ZNF578: variants seen among roughly 807,000 people sequenced by gnomAD.
ZNF578 encodes the protein zinc finger protein 578.
ZNF578 carries 8 observed loss-of-function variants against 8.3 expected under a neutral mutation model. The ratio of observed to expected loss-of-function variants is 0.96; its 90% CI spans 0.56 to 1.74. ZNF578 has a LOEUF of 1.74. Among genes scored for constraint, ZNF578 ranks in the 40% most tolerant of loss-of-function variants. ZNF578 has a pLI of 0.00. For synonymous variants in ZNF578, 206 were observed against 232.2 expected, an observed-to-expected ratio of 0.89 and a Z score of 1.03; for missense variants, 726 against 707.5, an observed-to-expected ratio of 1.03 and a Z score of -0.30.
chr19:52,491,244 T>C, intron 2 of ZNF578, 80 bp from the exon 3 acceptor site: 1 of 165,214 alleles, frequency 6.1e-6, no homozygotes, highest in Non-Finnish European at 1.4e-5. Context: ...AAGTATTTTT[T>C]TGTGTGTCAT....
intron 4 of ZNF578, among the ~76,000 whole-genome samples, chr19:52,503,960 G>A (rs891137365): frequency 7.2e-5 from 11 of 151,774 alleles, no homozygotes; most frequent in African/African-American, 2.7e-4. Context: ...ACGACACCCA[G>A]CTAATTTTTG....
intron 2 of ZNF578, among the ~76,000 whole-genome samples, chr19:52,461,923 A>C (rs1250133274): frequency 1.3e-5 from 2 of 152,218 alleles, no homozygotes; most frequent in Non-Finnish European, 2.9e-5. Context: ...AATTATGGGA[A>C]AATGAGCACA....
intron 2 of ZNF578, among the ~76,000 whole-genome samples, chr19:52,460,298 A>T (rs1424667390): frequency 7.7e-6 from 1 of 130,578 alleles, no homozygotes; most frequent in Non-Finnish European, 1.6e-5. Context: ...CCAGTTTCTC[A>T]GCATCCTCTC....
Position 52,504,666 on chromosome 19 carries a change from T to C in ZNF578, c.75T>C (p.Thr25=), listed in dbSNP as rs1266348067. 6.2e-7 allele frequency: 1 copy of C among 1,614,088 alleles called. No individual in the cohort carries two copies. Residue 25 remains threonine, a synonymous_variant, in exon 5 of 6, where the codon ACT becomes ACC. Coordinates refer to ENST00000421239, the MANE Select transcript of ZNF578 (RefSeq NM_001099694.2). ...PGMALPQGRL[T]FRDVAIEFSL... ...GTGTTTCATTTTAGGGACGCTTGAC[T>C]TTCAGGGATGTGGCTATAGAATTCT...
intron 2 of ZNF578, among the ~76,000 whole-genome samples, chr19:52,459,776 T>TTTTTTC (rs2059252008): frequency 1.5e-5 from 1 of 66,162 alleles, no homozygotes; most frequent in African/African-American, 5.9e-5. Flanking sequence ...TATATTTTTT[T>TTTTTTC]TTTTTTTTTT....
At position 52,496,970 on chromosome 19, in the gene ZNF578, T is replaced by C. The variant is rs1009359223; in HGVS notation, c.-19-4857T>C. On this transcript the variant is annotated intron_variant, in intron 3 of 5. Coordinates refer to ENST00000421239, the MANE Select transcript of ZNF578 (RefSeq NM_001099694.2). ...TTATTTTTTTGAGACACTCTTGCTG[T>C]TGTCCAGGCTGGAGTGCAGTGGCAG... 3.9e-5 allele frequency among the ~76,000 whole-genome samples: 6 copies of C among 152,034 alleles called. No homozygotes were observed. The East Asian group carries it at 9.7e-4, about 25-fold the overall frequency.
chr19:52,509,140 G>T (rs1568467281), intron 5 of ZNF578, among the ~76,000 whole-genome samples: 1 of 151,888 alleles, frequency 6.6e-6, no homozygotes, highest in South Asian at 2.1e-4. Flanking sequence ...CTGACCTCGT[G>T]CTCCACTTGC....
rs566007027 is a variant in ZNF578 at position 52,497,095 on chromosome 19, G to T, written c.-19-4732G>T. 2.1e-3 allele frequency among the ~76,000 whole-genome samples: 314 copies of T among 151,250 alleles called. 1 individual carries two copies. The highest frequency in any genetic ancestry group is 6.9e-3 in the Middle Eastern group (2 of 288). The stretch of plus-strand genomic sequence containing the variant: ...CCACAGGCACGCCCCACGAGGCCTG[G>T]CTATTGTTTAGATATATATATTTAT... On this transcript the variant is annotated intron_variant, in intron 3 of 5. Coordinates refer to ENST00000421239, the MANE Select transcript of ZNF578 (RefSeq NM_001099694.2).
At position 52,513,337 on chromosome 19, in the gene ZNF578, C is replaced by CTTTTTTTT. The variant is rs11318311; in HGVS notation, c.*1200_*1207dup. ...GCGCCTGGCATTGTTTCTTCTTTTC[C>CTTTTTTTT]TTTTTTTTTTTTTTTTTTTTTTTTG... On this transcript the variant is annotated 3_prime_UTR_variant, in exon 6 of 6. Coordinates refer to ENST00000421239, the MANE Select transcript of ZNF578 (RefSeq NM_001099694.2). Among the ~76,000 whole-genome samples the CTTTTTTTT allele has an allele frequency of 3.0e-5, 3 of 101,362 alleles. No homozygotes were observed. Among genetic ancestry groups the CTTTTTTTT allele is most frequent in the East Asian group, 3.5e-4 (1 of 2,828 alleles). 66.5% of individuals were successfully genotyped at this position (101,362 alleles called of 152,430 possible).
At position 52,456,929 on chromosome 19, in the gene ZNF578, G is replaced by A. The variant is rs1271810934; in HGVS notation, c.-151G>A. On this transcript the variant is annotated 5_prime_UTR_variant, in exon 2 of 6. Transcript: ENST00000421239. ...AAGAAGCCTAGAAGAGGAGGAAGAGGAAAGAAAAGGAGTCAGGAATGCCTC... is the reference window on the plus strand; with the variant it reads ...AAGAAGCCTAGAAGAGGAGGAAGAGAAAAGAAAAGGAGTCAGGAATGCCTC... 1 of 153,342 alleles carries A rather than the reference G, an allele frequency of 6.5e-6. No homozygotes were observed. Among genetic ancestry groups the A allele is most frequent in the Non-Finnish European group, 1.5e-5 (1 of 68,416 alleles). The allele number at this position is 153,342 out of a possible 1,614,324, so 9.5% of individuals were successfully genotyped here.
intron 1 of ZNF578, chr19:52,455,021 C>T (rs986471886): frequency 1.3e-5 from 2 of 152,186 alleles, no homozygotes; most frequent in Admixed American, 6.5e-5. Context: ...TCAGTATTGA[C>T]TGGGAAGGAT....
chr19:52,460,496 G>A (rs2059254600), intron 2 of ZNF578, among the ~76,000 whole-genome samples: 2 of 152,034 alleles, frequency 1.3e-5, no homozygotes, highest in African/African-American at 4.8e-5. Context: ...CATTAATTGG[G>A]TTATTTATTT....
chr19:52,511,328 A>G lies in ZNF578; in HGVS notation c.947A>G (p.Lys316Arg). 1 of 1,614,146 alleles carries G rather than the reference A, an allele frequency of 6.2e-7. No homozygotes were observed. Among genetic ancestry groups the G allele is most frequent in the Non-Finnish European group, 8.5e-7 (1 of 1,179,984 alleles). ...TGTCACACTGGTGAGAAACCTTACA[A>G]GTGTAATGAATGTGGAAAGTCCTTC... The part of the protein sequence containing the change: ...RRCHTGEKPY[K>R]CNECGKSFSY... Residue 316 changes from lysine (K) to arginine (R), a missense_variant, in exon 6 of 6, where the codon AAG becomes AGG. Coordinates refer to ENST00000421239, the MANE Select transcript of ZNF578 (RefSeq NM_001099694.2).
intron 4 of ZNF578, 41 bp from the exon 5 acceptor site, chr19:52,504,614 A>T (rs1412248588): frequency 1.2e-6 from 2 of 1,613,148 alleles, no homozygotes; most frequent in Non-Finnish European, 8.5e-7. Flanking sequence ...TGATAACTCA[A>T]TCCTCCATAA....
intron 5 of ZNF578, 140 bp from the exon 6 acceptor site, chr19:52,510,432 C>T: frequency 8.6e-7 from 1 of 1,169,502 alleles, no homozygotes; most frequent in South Asian, 2.8e-5. Flanking sequence ...AAGAATCTTA[C>T]TACTTTTGTG....
At chr19:52,462,405 G>A (rs909811567) in intron 2 of ZNF578, among the ~76,000 whole-genome samples, 1 of 152,142 alleles carries the variant, frequency 6.6e-6, no homozygotes. Context: ...ATGAGTATCT[G>A]TAGGCTCAGG....
Position 52,511,438 on chromosome 19 carries a change from A to G in ZNF578, c.1057A>G (p.Ser353Gly). 6.2e-7 allele frequency: 1 copy of G among 1,614,196 alleles called. No homozygotes were observed. Among genetic ancestry groups the G allele is most frequent in the Middle Eastern group, 1.6e-4 (1 of 6,062 alleles). ...YKCNECGKSF[S>G]YKSSLRCHRR... ...GTGTAATGAATGTGGAAAGTCCTTC[A>G]GTTACAAGTCATCCCTTAGATGCCA... is the stretch of plus-strand genomic sequence containing the variant. Residue 353 changes from serine to glycine, a missense_variant, in exon 6 of 6, where the codon AGT becomes GGT. By Grantham distance (56) the Ser-to-Gly change is moderately conservative (BLOSUM62 0). Coordinates refer to ENST00000421239, the MANE Select transcript of ZNF578 (RefSeq NM_001099694.2).
chr19:52,505,515 G>A (rs917751382), intron 5 of ZNF578, among the ~76,000 whole-genome samples: 8 of 151,948 alleles, frequency 5.3e-5, no homozygotes, highest in South Asian at 2.1e-4. Flanking sequence ...TCCGCCTCCC[G>A]GGTTCAAGCC....
chr19:52,493,732 T>G (rs1348059471), intron 3 of ZNF578, among the ~76,000 whole-genome samples: 1 of 152,088 alleles, frequency 6.6e-6, no homozygotes, highest in South Asian at 2.1e-4. Context: ...GGCTTATGCC[T>G]GTAATCCCAG....
Sources: gnomAD v4.1 joint callset for allele counts (sites outside exome capture counted in the v4.1 genomes callset) on GRCh38, gnomAD v4.1.1 for gene constraint, MANE v1.5 for transcripts, NCBI Gene and HGNC (gene_info 2026-07-23, HGNC 2026-07-21) for gene names.